The following LBX1 variants were observed in gnomAD, a reference collection of about 807,000 sequenced individuals.
The protein encoded by LBX1 is ladybird homeobox 1, also known as transcription factor LBX1.
A neutral mutation model predicts 19.9 loss-of-function variants in LBX1; 6 were observed. The observed-to-expected ratio is 0.30, with a 90% CI of 0.17 to 0.60. LBX1 has a LOEUF of 0.60. Ranked by LOEUF, LBX1 falls within the 20% of genes least tolerant of loss-of-function variation. LBX1 has a pLI of 0.87. For synonymous variants in LBX1, 190 were observed against 189.3 expected, an observed-to-expected ratio of 1.00 and a Z score of -0.03; for missense variants, 344 against 393.7, an observed-to-expected ratio of 0.87 and a Z score of 1.07.
rs1433372909 is a variant in LBX1 at position 101,228,617 on chromosome 10, C to T, written c.199G>A (p.Ala67Thr). Residue 67 changes from alanine (A) to threonine (T), a missense_variant, in exon 1 of 2, where the codon GCG becomes ACG. Around this residue, in one of 3 missense-constraint regions of LBX1, gnomAD observed 153 missense variants for 168.9 expected, o/e 0.91. Transcript: ENST00000370193. ...CCCGCCAGGGGCAAGCCGCCCTGCG[C>T]GTGCTTGTCCGCGGCGGCCAGCAGG... ...AHLLAAADKHAQGGLPLAGRA... is the reference protein window; with the variant it reads ...AHLLAAADKHTQGGLPLAGRA... 7.0e-6 allele frequency: 11 copies of T among 1,571,206 alleles called. No homozygotes were observed. The highest frequency in any genetic ancestry group is 9.5e-6 in the Non-Finnish European group (11 of 1,158,780).
Position 101,227,783 on chromosome 10 carries a change from G to T in LBX1, c.333C>A (p.Asp111Glu). The T allele has an allele frequency of 6.3e-7, 1 of 1,576,946 alleles. No homozygotes were observed. ...GCCGCTGCCCAAAGATGGTCATACC[G>T]TCGCGGCCTGGGAGGAAAGGACAGT... is the stretch of plus-strand genomic sequence containing the variant. Reference protein sequence around the residue: ...VSVLQAAEGRDGMTIFGQRQT... With the variant: ...VSVLQAAEGREGMTIFGQRQT... Residue 111 changes from aspartate to glutamate, a missense_variant, in exon 2 of 2, where the codon GAC becomes GAA. By Grantham distance (45) the Asp-to-Glu change is conservative. Coordinates refer to ENST00000370193, the MANE Select transcript of LBX1 (RefSeq NM_006562.5).
chr10:101,227,164 C>A lies in LBX1; in HGVS notation c.*106G>T, dbSNP rs1242279815. The A allele has an allele frequency of 8.2e-6, 9 of 1,096,102 alleles. No homozygotes were observed. Among genetic ancestry groups the A allele is most frequent in the Middle Eastern group, 3.2e-4 (1 of 3,140 alleles). 67.9% of individuals were successfully genotyped at this position (1,096,102 alleles called of 1,614,324 possible). A position where few individuals can be genotyped will look rare whatever the true frequency, so the allele number is the denominator to read the frequency against. On this transcript the variant is annotated 3_prime_UTR_variant, in exon 2 of 2. Transcript: ENST00000370193. ...CCGGGGCCGGGGACAGGGGAGGAGG[C>A]GGGAGTTGGCAGAGGAGGTCCCAGC...
At chr10:101,227,836 C>T in intron 1 of LBX1, 46 bp from the exon 2 acceptor site, 1 of 1,513,768 alleles carries the variant, frequency 6.6e-7, no homozygotes, top group Non-Finnish European at 8.9e-7. Flanking sequence ...GAGAGGAAGC[C>T]CACCCTGGCT....
rs1266155795 is a variant in LBX1, at chr10:101,227,107, G to T, written c.*163C>A. On this transcript the variant is annotated 3_prime_UTR_variant, in exon 2 of 2. Coordinates refer to ENST00000370193, the MANE Select transcript of LBX1 (RefSeq NM_006562.5). ...CCGGCCAGCCTGGGTTTATTGCTTC[G>T]AGAGGGAAGAGGCGGCTGCCAGGAG... The T allele has an allele frequency of 2.5e-5, 17 of 673,920 alleles. No individual in the cohort carries two copies. The highest frequency in any genetic ancestry group is 7.7e-5 in the African/African-American group (4 of 52,210). The allele number at this position is 673,920 out of a possible 1,614,324, so 41.7% of individuals were successfully genotyped here. A position where few individuals can be genotyped will look rare whatever the true frequency, so the allele number is the denominator to read the frequency against.
At position 101,227,336 on chromosome 10, in the gene LBX1, G is replaced by C; in HGVS notation, c.780C>G (p.Asp260Glu). ...LQLSPASPLTDQPASSQDCSE... is the reference protein window; with the variant it reads ...LQLSPASPLTEQPASSQDCSE... ...AGCAGTCCTGGCTGCTGGCCGGCTGGTCCGTGAGCGGAGAGGCAGGCGAGA... is the reference window on the plus strand; with the variant it reads ...AGCAGTCCTGGCTGCTGGCCGGCTGCTCCGTGAGCGGAGAGGCAGGCGAGA... The change falls in exon 2 of 2, where the codon GAC becomes GAG. Residue 260 changes from aspartate to glutamate, a missense_variant. Coordinates refer to ENST00000370193, the MANE Select transcript of LBX1 (RefSeq NM_006562.5). The C allele has an allele frequency of 3.1e-6, 5 of 1,609,144 alleles. No individual in the cohort carries two copies. The South Asian group carries it at 5.5e-5, about 18-fold the overall frequency.
At chr10:101,228,443 A>G in intron 1 of LBX1, 48 bp downstream of exon 1, 1 of 1,448,038 alleles carries the variant, frequency 6.9e-7, no homozygotes, top group Non-Finnish European at 9.3e-7. Context: ...CGCGCAGGGC[A>G]CAGGGCGCGA....
chr10:101,227,386 C>A lies in LBX1; in HGVS notation c.730G>T (p.Ala244Ser), dbSNP rs769133813. 2 of 1,604,622 alleles carry A rather than the reference C, an allele frequency of 1.2e-6. No individual in the cohort carries two copies. Among genetic ancestry groups the A allele is most frequent in the Non-Finnish European group, 1.7e-6 (2 of 1,177,428 alleles). Reference sequence around the variant, plus strand: ...AGCTGCAGGGCGCCAGCGCCCGGGGCCTTCGGGGCGCCTGGGGGGAGGACC... The same window carrying A: ...AGCTGCAGGGCGCCAGCGCCCGGGGACTTCGGGGCGCCTGGGGGGAGGACC... ...SPVLPPGAPK[A>S]PGAGALQLSP... The change falls in exon 2 of 2, where the codon GCC (alanine) becomes TCC (serine). Residue 244 changes from alanine to serine, a missense_variant. This residue lies in a region of LBX1 where 146 missense variants were observed against 124.2 expected (regional missense o/e 1.18). Coordinates refer to ENST00000370193, the MANE Select transcript of LBX1 (RefSeq NM_006562.5).
chr10:101,227,428 A>C lies in LBX1; in HGVS notation c.688T>G (p.Ser230Ala). Residue 230 changes from serine (S) to alanine (A), a missense_variant, in exon 2 of 2, where the codon TCG becomes GCG. Ser to Ala is a moderately conservative substitution (Grantham distance 99). Transcript: ENST00000370193. ...GGGAGGACCGGAGAGCCGGGCCTCG[A>C]CTTGGCCCTGCCGCAGCCGCCGCCA... ...GGGGGCGRAKSRPGSPVLPPG... is the reference protein window; with the variant it reads ...GGGGGCGRAKARPGSPVLPPG... The C allele has an allele frequency of 6.3e-7, 1 of 1,596,374 alleles. No homozygotes were observed. The highest frequency in any genetic ancestry group is 8.5e-7 in the Non-Finnish European group (1 of 1,172,664).
In LBX1 at chr10:101,229,433, C is replaced by A; in HGVS notation, c.-618G>T. ...TCTCTCCTTCTCTCCCTCTCCCTCG[C>A]CCTCTCTTTCACTCTCTGTCTGTCC... On this transcript the variant is annotated 5_prime_UTR_variant, in exon 1 of 2. Transcript: ENST00000370193. The surrounding 1 kb of genome is among the most constrained non-coding windows in gnomAD (Gnocchi z 6.4). 4.2e-6 allele frequency: 1 copy of A among 235,592 alleles called. No homozygotes were observed. 14.6% of individuals were successfully genotyped at this position (235,592 alleles called of 1,614,324 possible). A position where few individuals can be genotyped will look rare whatever the true frequency, so the allele number is the denominator to read the frequency against.
rs941909 is a variant in LBX1, at chr10:101,228,588, G to A, written c.228C>T (p.Arg76=). The A allele has an allele frequency of 0.26, 401,160 of 1,555,180 alleles. 56,469 individuals are homozygous for A. Among genetic ancestry groups the A allele is most frequent in the Non-Finnish European group, 0.3 (339,456 of 1,149,340 alleles). The change falls in exon 1 of 2, where the codon CGC becomes CGT. Residue 76 remains arginine (R), a synonymous_variant. Transcript: ENST00000370193. ...GCGGCGAGGTCTGCGAGAGCAGCGC[G>A]CGGCCCGCCAGGGGCAAGCCGCCCT... ...HAQGGLPLAG[R]ALLSQTSPLC... is the part of the protein sequence containing the mutation.
At chr10:101,228,398 G>T in intron 1 of LBX1, 93 bp downstream of exon 1, 1 of 966,216 alleles carries the variant, frequency 1.0e-6, no homozygotes, top group Non-Finnish European at 1.5e-6. Context: ...GGCGGCCGGA[G>T]AGGGCAGAGG....
In LBX1 at chr10:101,228,316, T is replaced by C. The variant is rs111563614; in HGVS notation, c.325+175A>G. Among the ~76,000 whole-genome samples, 287 of 152,310 alleles carry C rather than the reference T, an allele frequency of 1.9e-3. 1 individual carries two copies. The highest frequency in any genetic ancestry group is 3.1e-3 in the Non-Finnish European group (214 of 68,032). On this transcript the variant is annotated intron_variant, in intron 1 of 1. Transcript: ENST00000370193. ...CAGCTCTGGCCTACCCAGAGGTCCC[T>C]GGGAAATAAGGATTGGGTCCCGTCC...
rs201740254 is a variant in LBX1 at position 101,228,743 on chromosome 10, G to A, written c.73C>T (p.Pro25Ser). Residue 25 changes from proline to serine, a missense_variant, in exon 1 of 2, where the codon CCG (proline) becomes TCG (serine). Coordinates refer to ENST00000370193, the MANE Select transcript of LBX1 (RefSeq NM_006562.5). ...RRRSPLDHLPPPANSNKPLTP... is the reference protein window; with the variant it reads ...RRRSPLDHLPSPANSNKPLTP... Reference sequence around the variant, plus strand: ...AGTGGCTTGTTGGAGTTGGCAGGCGGAGGCAGGTGGTCCAGCGGGCTGCGC... The same window carrying A: ...AGTGGCTTGTTGGAGTTGGCAGGCGAAGGCAGGTGGTCCAGCGGGCTGCGC... The A allele has an allele frequency of 1.7e-4, 269 of 1,604,314 alleles. No homozygotes were observed. Among genetic ancestry groups the A allele is most frequent in the Non-Finnish European group, 2.2e-4 (259 of 1,177,130 alleles).
Position 101,227,522 on chromosome 10 carries a change from G to A in LBX1, c.594C>T (p.Gly198=). 1.9e-6 allele frequency: 3 copies of A among 1,613,600 alleles called. No homozygotes were observed. In the South Asian group the frequency reaches 3.3e-5, roughly 18 times the overall value. The change falls in exon 2 of 2, where the codon GGC becomes GGT. Residue 198 remains glycine, a synonymous_variant. Coordinates refer to ENST00000370193, the MANE Select transcript of LBX1 (RefSeq NM_006562.5). ...KADVESAKKL[G]PSGQMDIVAL... ...CCACGATGTCCATCTGCCCGCTGGG[G>A]CCCAGTTTCTTGGCGGACTCTACGT...
Position 101,228,622 on chromosome 10 carries a change from T to C in LBX1, c.194A>G (p.Lys65Arg). 1 of 1,575,268 alleles carries C rather than the reference T, an allele frequency of 6.3e-7. No individual in the cohort carries two copies. The highest frequency in any genetic ancestry group is 8.6e-7 in the Non-Finnish European group (1 of 1,161,218). The change falls in exon 1 of 2, where the codon AAG (lysine) becomes AGG (arginine). Residue 65 changes from lysine to arginine, a missense_variant. This residue lies in a region of LBX1 where 153 missense variants were observed against 168.9 expected (regional missense o/e 0.91). Transcript: ENST00000370193. ...CAGGGGCAAGCCGCCCTGCGCGTGC[T>C]TGTCCGCGGCGGCCAGCAGGTGCGC... ...GAAHLLAAAD[K>R]HAQGGLPLAG...
Position 101,229,017 on chromosome 10 carries a change from T to C in LBX1, c.-202A>G, listed in dbSNP as rs1340892443. 1.6e-5 allele frequency: 3 copies of C among 186,578 alleles called. No individual in the cohort carries two copies. The highest frequency in any genetic ancestry group is 6.1e-5 in the Admixed American group (1 of 16,356). The allele number at this position is 186,578 out of a possible 1,614,324, so 11.6% of individuals were successfully genotyped here. A position where few individuals can be genotyped will look rare whatever the true frequency, so the allele number is the denominator to read the frequency against. On this transcript the variant is annotated 5_prime_UTR_variant, in exon 1 of 2. Coordinates refer to ENST00000370193, the MANE Select transcript of LBX1 (RefSeq NM_006562.5). The surrounding 1 kb of genome is among the most constrained non-coding windows in gnomAD (Gnocchi z 6.4). ...GCGCGGGGCCCCGGGAAGAGGGCGC[T>C]GACGCGGGCGCCGCTGCTGCTGGGG...
chr10:101,228,229 G>C (rs1165166298), intron 1 of LBX1, among the ~76,000 whole-genome samples: 1 of 152,190 alleles, frequency 6.6e-6, no homozygotes, highest in East Asian at 1.9e-4. Flanking sequence ...GGGAACGCAA[G>C]GGAGCCCGGC....
chr10:101,227,651 G>T lies in LBX1; in HGVS notation c.465C>A (p.Arg155=), dbSNP rs781557515. ...LYQKYLSPAD[R]DQIAQQLGLT... is the part of the protein sequence containing the mutation. Reference sequence around the variant, plus strand: ...GGCCCAGCTGCTGCGCGATTTGGTCGCGATCGGCGGGGGACAGGTACTTCT... The same window carrying T: ...GGCCCAGCTGCTGCGCGATTTGGTCTCGATCGGCGGGGGACAGGTACTTCT... The change falls in exon 2 of 2, where the codon CGC becomes CGA. Residue 155 remains arginine, a synonymous_variant. Coordinates refer to ENST00000370193, the MANE Select transcript of LBX1 (RefSeq NM_006562.5). The T allele has an allele frequency of 6.2e-7, 1 of 1,614,058 alleles. No individual in the cohort carries two copies. Among genetic ancestry groups the T allele is most frequent in the Non-Finnish European group, 8.5e-7 (1 of 1,180,028 alleles).
In LBX1 at chr10:101,229,291, T is replaced by TTCTTTC. The variant is rs1185979133; in HGVS notation, c.-482_-477dup. On this transcript the variant is annotated 5_prime_UTR_variant, in exon 1 of 2. Coordinates refer to ENST00000370193, the MANE Select transcript of LBX1 (RefSeq NM_006562.5). The surrounding 1 kb of genome is among the most constrained non-coding windows in gnomAD (Gnocchi z 6.4). ...TGTAATCAATTATCTGCAGCGGCAC[T>TTCTTTC]TCTTTCTCTTTCTCTCTCCTTTCTC... is the stretch of plus-strand genomic sequence containing the variant. 2 of 153,946 alleles carry TTCTTTC rather than the reference T, an allele frequency of 1.3e-5. No homozygotes were observed. The highest frequency in any genetic ancestry group is 1.4e-5 in the Non-Finnish European group (1 of 69,196). The allele number at this position is 153,946 out of a possible 1,614,324, so 9.5% of individuals were successfully genotyped here. A position where few individuals can be genotyped will look rare whatever the true frequency, so the allele number is the denominator to read the frequency against.
Sources: allele counts gnomAD v4.1 joint callset (sites outside exome capture counted in the v4.1 genomes callset), GRCh38; gene constraint gnomAD v4.1.1; regional missense constraint gnomAD v4.1.1; non-coding constraint Gnocchi (gnomAD v3.1); transcripts MANE v1.5; gene names NCBI Gene and HGNC (gene_info 2026-07-23, HGNC 2026-07-21).